ZC3H14: variants seen among roughly 807,000 people sequenced by gnomAD.
ZC3H14 encodes zinc finger CCCH-type containing 14, also known as zinc finger CCCH domain-containing protein 14.
In ZC3H14, 31 loss-of-function variants were observed where a neutral mutation model predicts 92.4. The ratio of observed to expected loss-of-function variants is 0.34; its 90% CI spans 0.25 to 0.45. The LOEUF is 0.45. Among genes scored for constraint, ZC3H14 ranks in the 20% least tolerant of loss-of-function variants. The probability of loss-of-function intolerance (pLI) is 1.00; values close to 1 mark genes in which losing one functional copy is unlikely to be tolerated. For missense variants in ZC3H14, 781 were observed against 897.3 expected, an observed-to-expected ratio of 0.87 and a Z score of 1.66; for synonymous variants, 321 against 300.9, an observed-to-expected ratio of 1.07 and a Z score of -0.69.
rs1051128399 is a variant in ZC3H14, at chr14:88,615,355, ACTTTCC to A, written c.*3611_*3616del. On this transcript the variant is annotated 3_prime_UTR_variant, in exon 17 of 17. Coordinates refer to ENST00000251038, the MANE Select transcript of ZC3H14 (RefSeq NM_024824.5). ...ACTGTGATCCTTTAGGATGATCATGACTTTCCCTTTCCTTATGGAAATGCAAGAATA... is the reference window on the plus strand; with the variant it reads ...ACTGTGATCCTTTAGGATGATCATGACTTTCCTTATGGAAATGCAAGAATA... 1.3e-5 allele frequency: 2 copies of A among 152,970 alleles called. No individual in the cohort carries two copies. Among genetic ancestry groups the A allele is most frequent in the Admixed American group, 1.3e-4 (2 of 15,318 alleles). The allele number at this position is 152,970 out of a possible 1,614,324, so 9.5% of individuals were successfully genotyped here.
chr14:88,574,523 G>A, intron 6 of ZC3H14, 170 bp from the exon 7 acceptor site: 1 of 792,068 alleles, frequency 1.3e-6, no homozygotes, highest in Non-Finnish European at 2.0e-6. Context: ...GATTACAGAT[G>A]TGAGCCACCA....
intron 9 of ZC3H14, among the ~76,000 whole-genome samples, chr14:88,579,292 T>C (rs1039479957): frequency 1.3e-5 from 2 of 152,170 alleles, no homozygotes; most frequent in African/African-American, 4.8e-5. Flanking sequence ...ATGACAGCGT[T>C]ATATACTATT....
In ZC3H14 at chr14:88,618,771, T is replaced by C. The variant is rs145416512; in HGVS notation, c.*7020T>C. On this transcript the variant is annotated 3_prime_UTR_variant, in exon 17 of 17. Transcript: ENST00000251038. ...TAGGTCATAAAAATCCACTGAGTTC[T>C]CACTAGAACCTACTGCCAGATACCG... 38 of 1,600,070 alleles carry C rather than the reference T, an allele frequency of 2.4e-5. No individual in the cohort carries two copies. In the African/African-American group the frequency reaches 4.5e-4, roughly 19 times the overall value.
intron 13 of ZC3H14, 124 bp from the exon 14 acceptor site, chr14:88,609,143 G>C (rs1173952850): frequency 2.4e-5 from 27 of 1,138,910 alleles, no homozygotes; most frequent in Non-Finnish European, 3.0e-5. Flanking sequence ...TATTCTTTTT[G>C]TTGCTGTTTT....
At chr14:88,591,507 A>T (rs1214306918) in intron 9 of ZC3H14, 1 of 152,198 alleles carries the variant, frequency 6.6e-6, no homozygotes, top group East Asian at 1.9e-4. Context: ...TAAGTTCTTT[A>T]ATTCACTTTT....
chr14:88,577,902 T>A (rs2081371228), intron 8 of ZC3H14, 83 bp from the exon 9 acceptor site: 2 of 1,563,872 alleles, frequency 1.3e-6, no homozygotes, highest in Middle Eastern at 1.7e-4. Context: ...AGGAGGCATT[T>A]ATATTTAATA....
At chr14:88,571,780 A>G (rs897622249) in intron 4 of ZC3H14, among the ~76,000 whole-genome samples, 4 of 152,148 alleles carry the variant, frequency 2.6e-5, no homozygotes, top group African/African-American at 7.2e-5. Flanking sequence ...GCCAACCAAC[A>G]TGGTGAATCT....
At chr14:88,592,722 A>C (rs2083306202) in intron 9 of ZC3H14, among the ~76,000 whole-genome samples, 1 of 151,818 alleles carries the variant, frequency 6.6e-6, no homozygotes, top group African/African-American at 2.4e-5. Flanking sequence ...GCTGGTCTTG[A>C]ACTCCTGACC....
chr14:88,565,870 T>C (rs1013538114), intron 2 of ZC3H14, among the ~76,000 whole-genome samples: 2 of 151,658 alleles, frequency 1.3e-5, no homozygotes, highest in Non-Finnish European at 1.5e-5. Flanking sequence ...AGTAAATTTT[T>C]CTTTTTCTTT....
chr14:88,567,263 T>C (rs180733525), intron 2 of ZC3H14, among the ~76,000 whole-genome samples: 110 of 151,528 alleles, frequency 7.3e-4, no homozygotes, highest in Non-Finnish European at 1.3e-3. Context: ...CTATAGGCGC[T>C]CACCACCACA....
In ZC3H14 at chr14:88,627,159, C is replaced by T; in HGVS notation, c.*15408C>T. 2 of 998,558 alleles carry T rather than the reference C, an allele frequency of 2.0e-6. No individual in the cohort carries two copies. Among genetic ancestry groups the T allele is most frequent in the Non-Finnish European group, 1.5e-6 (1 of 657,748 alleles). The allele number at this position is 998,558 out of a possible 1,614,324, so 61.9% of individuals were successfully genotyped here. A position where few individuals can be genotyped will look rare whatever the true frequency, so the allele number is the denominator to read the frequency against. ...AAAAACAAAGGCTTAGAAGAGAGGC[C>T]AATGGCCCCTGCTCTACTACCTAGC... On this transcript the variant is annotated 3_prime_UTR_variant, in exon 17 of 17. Coordinates refer to ENST00000251038, the MANE Select transcript of ZC3H14 (RefSeq NM_024824.5).
In ZC3H14 at chr14:88,616,464, A is replaced by G. The variant is rs1245849466; in HGVS notation, c.*4713A>G. The G allele has an allele frequency of 1.6e-6, 1 of 611,676 alleles. No homozygotes were observed. The highest frequency in any genetic ancestry group is 1.8e-5 in the African/African-American group (1 of 54,246). 37.9% of individuals were successfully genotyped at this position (611,676 alleles called of 1,614,324 possible). Reference sequence around the variant, plus strand: ...GTACTCTGACCATTTTTCTCTAAGGAAAAGCATTTGAAATTTGATAACTGA... The same window carrying G: ...GTACTCTGACCATTTTTCTCTAAGGGAAAGCATTTGAAATTTGATAACTGA... On this transcript the variant is annotated 3_prime_UTR_variant, in exon 17 of 17. Coordinates refer to ENST00000251038, the MANE Select transcript of ZC3H14 (RefSeq NM_024824.5).
chr14:88,596,901 A>G (rs1017548923), intron 10 of ZC3H14, 93 bp downstream of exon 10: 1 of 1,033,566 alleles, frequency 9.7e-7, no homozygotes, highest in Admixed American at 1.7e-5. Flanking sequence ...GATCTCTTAG[A>G]TCCTGCCCTA....
At chr14:88,563,280 G>A (rs1185452737) in intron 1 of ZC3H14, 111 bp downstream of exon 1, 20 of 1,536,998 alleles carry the variant, frequency 1.3e-5, no homozygotes, top group Non-Finnish European at 1.7e-5. Flanking sequence ...GCCTCCGCTG[G>A]ACGCTCCTGG....
At chr14:88,601,804 G>T in intron 10 of ZC3H14, 120 bp from the exon 11 acceptor site, 1 of 1,221,880 alleles carries the variant, frequency 8.2e-7, no homozygotes, top group Non-Finnish European at 1.2e-6. Flanking sequence ...GGAACCAGTT[G>T]TGATTTTCCT....
intron 15 of ZC3H14, among the ~76,000 whole-genome samples, chr14:88,610,238 G>C (rs183949286): frequency 6.6e-6 from 1 of 152,054 alleles, no homozygotes; most frequent in Non-Finnish European, 1.5e-5. Context: ...TTCTTGCCCC[G>C]GTAGCTTGAG....
In ZC3H14 at chr14:88,622,021, C is replaced by G. The variant is rs1032106046; in HGVS notation, c.*10270C>G. ...CTTGTATCCTTTAACCAGTCCTTCC[C>G]TATCCCCCTCCCCCTCCCCCTTGTC... On this transcript the variant is annotated 3_prime_UTR_variant, in exon 17 of 17. Coordinates refer to ENST00000251038, the MANE Select transcript of ZC3H14 (RefSeq NM_024824.5). 2 of 340,810 alleles carry G rather than the reference C, an allele frequency of 5.9e-6. No individual in the cohort carries two copies. The highest frequency in any genetic ancestry group is 1.2e-5 in the Non-Finnish European group (2 of 162,760). 21.1% of individuals were successfully genotyped at this position (340,810 alleles called of 1,614,324 possible).
In ZC3H14 at chr14:88,627,228, TA is replaced by T; in HGVS notation, c.*15478del. On this transcript the variant is annotated 3_prime_UTR_variant, in exon 17 of 17. Transcript: ENST00000251038. ...ATTTGTGTATTGAGTCCTTTTCACT[TA>T]TCTTCGCTCCATTAACTTTTCTTTA... 1 of 616,636 alleles carries T rather than the reference TA, an allele frequency of 1.6e-6. No individual in the cohort carries two copies. The highest frequency in any genetic ancestry group is 2.8e-5 in the East Asian group (1 of 36,282). 38.2% of individuals were successfully genotyped at this position (616,636 alleles called of 1,614,324 possible). A position where few individuals can be genotyped will look rare whatever the true frequency, so the allele number is the denominator to read the frequency against.
intron 6 of ZC3H14, 42 bp downstream of exon 6, chr14:88,573,049 G>C: frequency 3.1e-6 from 5 of 1,605,886 alleles, no homozygotes; most frequent in Non-Finnish European, 3.4e-6. Context: ...CTAAAAATCG[G>C]CAGTTCTTGA....
Sources: gnomAD v4.1 joint callset for allele counts (sites outside exome capture counted in the v4.1 genomes callset) on GRCh38, gnomAD v4.1.1 for gene constraint, MANE v1.5 for transcripts, NCBI Gene and HGNC (gene_info 2026-07-23, HGNC 2026-07-21) for gene names.